Variants in ATG7 observed in about 807,000 individuals in gnomAD.
ATG7 encodes the protein autophagy related 7, also known as ubiquitin-like modifier-activating enzyme ATG7.
In ATG7, 70 loss-of-function variants were observed where a neutral mutation model predicts 82.4. The observed-to-expected ratio is 0.85, with a 90% CI of 0.70 to 1.04. ATG7 has a LOEUF of 1.04. ATG7 is among the 50% of genes least tolerant of loss of function. The probability of loss-of-function intolerance (pLI) is 0.00; values close to 1 mark genes in which losing one functional copy is unlikely to be tolerated. For missense variants in ATG7, 792 were observed against 864.3 expected (o/e 0.92, Z 1.05); for synonymous variants, 287 against 313.0 (o/e 0.92, Z 0.88).
rs758549640 is a variant in ATG7 at position 11,557,062 on chromosome 3, C to T, written c.*2219C>T. The T allele has an allele frequency of 2.6e-5, 4 of 152,484 alleles. No individual in the cohort carries two copies. Among genetic ancestry groups the T allele is most frequent in the Admixed American group, 6.5e-5 (1 of 15,270 alleles). 9.4% of individuals were successfully genotyped at this position (152,484 alleles called of 1,614,324 possible). On this transcript the variant is annotated 3_prime_UTR_variant, in exon 21 of 21. Transcript: ENST00000693202. ...CTTGCAGGTGAGGTGACCACGCCCA[C>T]GTCACCTGGTCAGGTGCCATCGTCG...
rs1382406363 is a variant in ATG7, at chr3:11,329,079, C to T, written c.679-2261C>T. ...CGCTGCACTCCAGCCTGGGTAATAA[C>T]GGTAATAACGTGAGACTCTGTCTCA... On this transcript the variant is annotated intron_variant, in intron 9 of 20. Coordinates refer to ENST00000693202, the MANE Select transcript of ATG7 (RefSeq NM_001349232.2). Among the ~76,000 whole-genome samples, 5 of 152,188 alleles carry T rather than the reference C, an allele frequency of 3.3e-5. No homozygotes were observed. In the South Asian group the frequency reaches 6.2e-4, roughly 19 times the overall value.
At chr3:11,299,203 A>T in intron 4 of ATG7, 159 bp from the exon 5 acceptor site, 1 of 653,726 alleles carries the variant, frequency 1.5e-6, no homozygotes. Flanking sequence ...TCTGCCATTT[A>T]TCTATCCATA....
rs79140218 is a variant in ATG7 at position 11,352,244 on chromosome 3, T to C, written c.1284+4209T>C. On this transcript the variant is annotated intron_variant, in intron 14 of 20. Coordinates refer to ENST00000693202, the MANE Select transcript of ATG7 (RefSeq NM_001349232.2). ...TATGTGCCACATTTTCTTAATCCAG[T>C]CTATCATTGATGGACATTTGGGTTG... Among the ~76,000 whole-genome samples, 80 of 152,334 alleles carry C rather than the reference T, an allele frequency of 5.3e-4. 1 individual carries two copies. In the East Asian group the frequency reaches 0.014, roughly 26 times the overall value.
chr3:11,353,351 A>G (rs1412521155), intron 14 of ATG7, among the ~76,000 whole-genome samples: 2 of 152,202 alleles, frequency 1.3e-5, no homozygotes, highest in Non-Finnish European at 2.9e-5. Flanking sequence ...AGGCTGAGGC[A>G]GGAGAATCAT....
chr3:11,401,483 A>C, intron 19 of ATG7, among the ~76,000 whole-genome samples: 1 of 152,194 alleles, frequency 6.6e-6, no homozygotes, highest in East Asian at 1.9e-4. Context: ...AACAGCAGAC[A>C]CAATTTTATC....
the ATG7 span, among the ~76,000 whole-genome samples, chr3:11,564,419 G>A: frequency 6.6e-6 from 1 of 151,238 alleles, no homozygotes; most frequent in African/African-American, 2.4e-5. Flanking sequence ...CCCCACCCGA[G>A]GATGACTACA....
chr3:11,492,288 C>A (rs1316575006), intron 20 of ATG7, among the ~76,000 whole-genome samples: 1 of 152,244 alleles, frequency 6.6e-6, no homozygotes, highest in Non-Finnish European at 1.5e-5. Context: ...CCTTGCACTT[C>A]CCGAGTGAGG....
intron 20 of ATG7, among the ~76,000 whole-genome samples, chr3:11,477,604 A>G (rs946678340): frequency 2.0e-5 from 3 of 152,252 alleles, no homozygotes; most frequent in Non-Finnish European, 4.4e-5. Flanking sequence ...TGTGATTCCA[A>G]AGTTAAGATG....
At chr3:11,440,955 A>G (rs2083887424) in intron 20 of ATG7, among the ~76,000 whole-genome samples, 1 of 151,854 alleles carries the variant, frequency 6.6e-6, no homozygotes, top group Admixed American at 6.6e-5. Flanking sequence ...AAGTGCTGAG[A>G]TATAGGCATG....
chr3:11,277,069 A>C (rs1941970105), intron 1 of ATG7: 1 of 152,124 alleles, frequency 6.6e-6, no homozygotes, highest in African/African-American at 2.4e-5. Context: ...TTCCAAGTCC[A>C]GGTAGTCATC....
chr3:11,558,820 G>A (rs983080420), downstream of ATG7: 38 of 1,610,648 alleles, frequency 2.4e-5, no homozygotes, highest in Non-Finnish European at 3.2e-5. Flanking sequence ...GGTCACAGGT[G>A]GTGGCAGCTG....
chr3:11,564,737 A>G, the ATG7 span: 8 of 1,484,380 alleles, frequency 5.4e-6, no homozygotes, highest in South Asian at 6.2e-5. Flanking sequence ...GGGGCTCTCC[A>G]TCCAGCCCAG....
intron 20 of ATG7, among the ~76,000 whole-genome samples, chr3:11,527,061 G>GTA (rs1417292297): frequency 1.9e-5 from 2 of 103,910 alleles, no homozygotes; most frequent in Non-Finnish European, 3.8e-5. Flanking sequence ...GTGTGTGTGT[G>GTA]TGTGTGTGTG....
chr3:11,457,075 A>G (rs2085805159), intron 20 of ATG7, among the ~76,000 whole-genome samples: 1 of 152,240 alleles, frequency 6.6e-6, no homozygotes, highest in Non-Finnish European at 1.5e-5. Context: ...AAAATGGGGC[A>G]GGACACAGTA....
chr3:11,497,406 G>A (rs559969360), intron 20 of ATG7, among the ~76,000 whole-genome samples: 2 of 103,526 alleles, frequency 1.9e-5, no homozygotes, highest in South Asian at 6.2e-4. Context: ...GCCAGGCATG[G>A]TGGTGGGTGC....
Position 11,342,767 on chromosome 3 carries a change from T to A in ATG7, c.1125+488T>A, listed in dbSNP as rs77562117. ...TAATCAATTTCAGATTACTTTCTAT[T>A]TTTTTCTATTAGATACTGTTCTCTA... On this transcript the variant is annotated intron_variant, in intron 13 of 20. Coordinates refer to ENST00000693202, the MANE Select transcript of ATG7 (RefSeq NM_001349232.2). 3.7e-3 allele frequency among the ~76,000 whole-genome samples: 563 copies of A among 152,262 alleles called. 1 individual carries two copies. The highest frequency in any genetic ancestry group is 4.6e-3 in the Non-Finnish European group (314 of 68,016).
At chr3:11,523,826 G>T (rs1346915275) in intron 20 of ATG7, among the ~76,000 whole-genome samples, 2 of 152,166 alleles carry the variant, frequency 1.3e-5, no homozygotes, top group African/African-American at 4.8e-5. Flanking sequence ...AAAAGTGAGG[G>T]GAAATCAGCC....
chr3:11,545,669 C>T (rs1024485745), intron 20 of ATG7, among the ~76,000 whole-genome samples: 5 of 148,034 alleles, frequency 3.4e-5, no homozygotes, highest in South Asian at 4.1e-4. Context: ...CTCCGTGTCC[C>T]GAGCAGCCCT....
At chr3:11,308,228 A>G (rs930734247) in intron 6 of ATG7, among the ~76,000 whole-genome samples, 1 of 152,198 alleles carries the variant, frequency 6.6e-6, no homozygotes, top group Non-Finnish European at 1.5e-5. Context: ...TATTAGTGCA[A>G]CTGTTTTGTC....
Sources: gnomAD v4.1 joint callset for allele counts (sites outside exome capture counted in the v4.1 genomes callset) on GRCh38, gnomAD v4.1.1 for gene constraint, MANE v1.5 for transcripts, NCBI Gene and HGNC (gene_info 2026-07-23, HGNC 2026-07-21) for gene names.